Variants in CYP4F3 observed in about 807,000 individuals in gnomAD.
CYP4F3 encodes cytochrome P450 4F3.
Under a neutral mutation model 54.8 loss-of-function variants are expected in CYP4F3, and 50 were observed. The observed-to-expected ratio is 0.91, with a 90% CI of 0.73 to 1.16. The LOEUF (loss-of-function observed/expected upper bound fraction) is 1.16, where lower values mean the gene tolerates loss of function less well. CYP4F3 is among the 50% of genes most tolerant of loss of function. The pLI is 0.00. For missense variants in CYP4F3, 715 were observed against 676.2 expected (o/e 1.06, Z -0.64); for synonymous variants, 244 against 262.6 (o/e 0.93, Z 0.69).
rs1397517252 is a variant in CYP4F3 at position 15,660,981 on chromosome 19, T to C, written c.*1596T>C. 6.6e-6 allele frequency: 1 copy of C among 152,160 alleles called. No homozygotes were observed. Among genetic ancestry groups the C allele is most frequent in the East Asian group, 1.9e-4 (1 of 5,180 alleles). The allele number at this position is 152,160 out of a possible 1,614,324, so 9.4% of individuals were successfully genotyped here. ...ATCCACCCGCCTCGGCCTCCCAAAG[T>C]GCTGGGATTACAGGCCCGGTCCAGT... On this transcript the variant is annotated 3_prime_UTR_variant, in exon 13 of 13. Transcript: ENST00000221307.
intron 11 of CYP4F3, 53 bp downstream of exon 11, chr19:15,658,608 G>C (rs1973098560): frequency 1.2e-6 from 2 of 1,612,048 alleles, no homozygotes; most frequent in Non-Finnish European, 1.7e-6. Context: ...TAGAGGAGGG[G>C]GCAGGGTTTT....
Position 15,658,956 on chromosome 19 carries a change from C to T in CYP4F3, c.1397+147C>T, listed in dbSNP as rs150593268. The T allele has an allele frequency of 5.6e-4, 719 of 1,275,694 alleles. No individual in the cohort carries two copies. In the African/African-American group the frequency reaches 7.1e-3, roughly 13 times the overall value. 79.0% of individuals were successfully genotyped at this position (1,275,694 alleles called of 1,614,324 possible). ...TCTGGAGTTTATGGGAAAAGGCCCA[C>T]AGAGTAGGATTGGGTTGGTCCTAGA... On this transcript the variant is annotated intron_variant, in intron 12 of 12. Coordinates refer to ENST00000221307, the MANE Select transcript of CYP4F3 (RefSeq NM_000896.3).
chr19:15,646,515 T>G (rs183178249), intron 3 of CYP4F3, among the ~76,000 whole-genome samples: 1 of 152,324 alleles, frequency 6.6e-6, no homozygotes, highest in Admixed American at 6.5e-5. Context: ...GGAGCCTGTA[T>G]GTGGAACACG....
chr19:15,653,715 T>A (rs1972930161), intron 9 of CYP4F3, among the ~76,000 whole-genome samples: 1 of 127,928 alleles, frequency 7.8e-6, no homozygotes, highest in Non-Finnish European at 1.7e-5. Context: ...CCTGGGGTCT[T>A]CGGGGGAGGA....
At position 15,643,405 on chromosome 19, in the gene CYP4F3, AATAGATAGATAG is replaced by A. The variant is rs57178444; in HGVS notation, c.198+1834_198+1845del. ...AGATATGTAGAGATATATATAGGTA[AATAGATAGATAG>A]ATAGATAGATAGATAGATAGATAGA... On this transcript the variant is annotated intron_variant, in intron 2 of 12. Coordinates refer to ENST00000221307, the MANE Select transcript of CYP4F3 (RefSeq NM_000896.3). 6.4e-3 allele frequency among the ~76,000 whole-genome samples: 638 copies of A among 99,360 alleles called. 1 individual carries two copies. Among genetic ancestry groups the A allele is most frequent in the Middle Eastern group, 0.021 (4 of 188 alleles). The allele number at this position is 99,360 out of a possible 152,430, so 65.2% of individuals were successfully genotyped here. A position where few individuals can be genotyped will look rare whatever the true frequency, so the allele number is the denominator to read the frequency against.
intron 6 of CYP4F3, among the ~76,000 whole-genome samples, chr19:15,649,568 T>C (rs1170372326): frequency 2.6e-5 from 4 of 152,036 alleles, no homozygotes; most frequent in Admixed American, 6.5e-5. Context: ...AGCTGGACCA[T>C]GGACCAGTTG....
At chr19:15,649,858 C>T (rs1485232038) in intron 6 of CYP4F3, 55 bp from the exon 7 acceptor site, 2 of 1,590,982 alleles carry the variant, frequency 1.3e-6, no homozygotes, top group African/African-American at 1.3e-5. Context: ...GGGAGGTGAT[C>T]CTGGGGCTTC....
chr19:15,642,652 T>C (rs1165005375), intron 2 of CYP4F3, among the ~76,000 whole-genome samples: 1 of 152,176 alleles, frequency 6.6e-6, no homozygotes, highest in Non-Finnish European at 1.5e-5. Context: ...GAGTGGACAG[T>C]GTGTCTTTTC....
chr19:15,643,385 T>C (rs1489722779), intron 2 of CYP4F3, among the ~76,000 whole-genome samples: 1 of 150,682 alleles, frequency 6.6e-6, no homozygotes, highest in Non-Finnish European at 1.5e-5. Flanking sequence ...TAGGTAGATA[T>C]GTAGAGATAT....
In CYP4F3 at chr19:15,658,719, G is replaced by T. The variant is rs4646518; in HGVS notation, c.1315-8G>T. On this transcript the variant is annotated splice_polypyrimidine_tract_variant and splice_region_variant and intron_variant, in intron 11 of 12. Coordinates refer to ENST00000221307, the MANE Select transcript of CYP4F3 (RefSeq NM_000896.3). Reference sequence around the variant, plus strand: ...CCACCCGGCAACCCTTCTTGGTCTCGCCTCCAGGTCTATGACCCCTTTCGC... The same window carrying T: ...CCACCCGGCAACCCTTCTTGGTCTCTCCTCCAGGTCTATGACCCCTTTCGC... 0.39 allele frequency: 628,697 copies of T among 1,613,102 alleles called. 128,596 individuals carry two copies. Among genetic ancestry groups the T allele is most frequent in the East Asian group, 0.65 (29,334 of 44,800 alleles).
intron 2 of CYP4F3, among the ~76,000 whole-genome samples, chr19:15,643,363 T>TAC (rs1972524869): frequency 2.7e-5 from 4 of 150,916 alleles, no homozygotes; most frequent in South Asian, 2.1e-4. Context: ...CATACATATA[T>TAC]AGATACATAG....
chr19:15,646,096 T>C (rs537314382), intron 3 of CYP4F3, among the ~76,000 whole-genome samples: 1 of 152,356 alleles, frequency 6.6e-6, no homozygotes, highest in Non-Finnish European at 1.5e-5. Context: ...TCAAGTCTGC[T>C]GTACGGCTAC....
At chr19:15,655,899 T>C (rs1180325807) in intron 9 of CYP4F3, among the ~76,000 whole-genome samples, 1 of 152,234 alleles carries the variant, frequency 6.6e-6, no homozygotes, top group East Asian at 1.9e-4. Context: ...ATCCATCACT[T>C]CATGTGTTTA....
intron 2 of CYP4F3, among the ~76,000 whole-genome samples, chr19:15,644,933 A>G (rs998164843): frequency 1.3e-5 from 2 of 152,144 alleles, no homozygotes; most frequent in African/African-American, 4.8e-5. Flanking sequence ...TGGAAATCCA[A>G]CCTGGTGTAG....
chr19:15,644,614 G>A (rs1447959541), intron 2 of CYP4F3, among the ~76,000 whole-genome samples: 2 of 152,226 alleles, frequency 1.3e-5, no homozygotes, highest in Non-Finnish European at 2.9e-5. Context: ...GCTGGTGGAG[G>A]ATCTGGACTG....
At chr19:15,643,542 C>T (rs375852692) in intron 2 of CYP4F3, among the ~76,000 whole-genome samples, 31 of 152,160 alleles carry the variant, frequency 2.0e-4, no homozygotes, top group East Asian at 1.4e-3. Flanking sequence ...AGCTGAGATG[C>T]GTCATGGACT....
chr19:15,641,991 T>A (rs1972478445), intron 2 of CYP4F3, among the ~76,000 whole-genome samples: 1 of 152,124 alleles, frequency 6.6e-6, no homozygotes, highest in African/African-American at 2.4e-5. Context: ...CCTGGCCTAT[T>A]TCCTCTTATG....
intron 6 of CYP4F3, 89 bp downstream of exon 6, chr19:15,649,370 A>G: frequency 6.3e-7 from 1 of 1,595,690 alleles, no homozygotes; most frequent in Non-Finnish European, 8.6e-7. Context: ...GGGAAATCAG[A>G]CAAACCTTCT....
Position 15,652,626 on chromosome 19 carries a change from A to C in CYP4F3, c.976A>C (p.Met326Leu), listed in dbSNP as rs749322639. ...CATAAGAGCAGAAGCTGACACCTTT[A>C]TGTTTGAGGGTGAGGGCCCCAGTGT... Reference protein sequence around the residue: ...EDIRAEADTFMFEGHDTTASG... With the variant: ...EDIRAEADTFLFEGHDTTASG... Residue 326 changes from methionine (M) to leucine (L), a missense_variant, in exon 8 of 13, where the codon ATG becomes CTG. Coordinates refer to ENST00000221307, the MANE Select transcript of CYP4F3 (RefSeq NM_000896.3). 14 of 1,614,102 alleles carry C rather than the reference A, an allele frequency of 8.7e-6. No homozygotes were observed. The East Asian group carries it at 1.3e-4, about 15-fold the overall frequency.
Sources: allele counts gnomAD v4.1 joint callset (sites outside exome capture counted in the v4.1 genomes callset), GRCh38; gene constraint gnomAD v4.1.1; transcripts MANE v1.5; gene names NCBI Gene and HGNC (gene_info 2026-07-23, HGNC 2026-07-21).